The following SLC14A2 variants were observed in gnomAD, a reference collection of about 807,000 sequenced individuals.
SLC14A2 encodes urea transporter 2.
Under a neutral mutation model 104.6 loss-of-function variants are expected in SLC14A2, and 91 were observed. That is an observed-to-expected ratio of 0.87 (90% CI 0.73 to 1.04). The LOEUF is 1.04. SLC14A2 is among the 50% of genes least tolerant of loss of function. The pLI, the probability that SLC14A2 is intolerant of heterozygous loss-of-function variation, is 0.00. For missense variants in SLC14A2, 1,189 were observed against 1,156.0 expected (o/e 1.03, Z -0.41); for synonymous variants, 476 against 466.4 (o/e 1.02, Z -0.27).
chr18:45,579,414 G>A (rs1413717499), intron 2 of SLC14A2, among the ~76,000 whole-genome samples: 1 of 152,180 alleles, frequency 6.6e-6, no homozygotes, highest in African/African-American at 2.4e-5. Context: ...TCATCAATAG[G>A]GTTGGGGATG....
chr18:45,411,513 C>G (rs73433863), intron 1 of SLC14A2, among the ~76,000 whole-genome samples: 3,002 of 152,314 alleles, frequency 0.02, 98 homozygotes, highest in African/African-American at 0.068. Flanking sequence ...CCATATCACA[C>G]AGATTCAGCT....
At chr18:45,677,967 TGCC>T (rs2046254339) in intron 18 of SLC14A2, among the ~76,000 whole-genome samples, 1 of 152,152 alleles carries the variant, frequency 6.6e-6, no homozygotes, top group African/African-American at 2.4e-5. Context: ...TACAGGCACA[TGCC>T]ACCACACCCA....
chr18:45,270,835 T>A (rs965147411), intron 1 of SLC14A2, among the ~76,000 whole-genome samples: 5 of 152,162 alleles, frequency 3.3e-5, no homozygotes, highest in Non-Finnish European at 7.4e-5. Flanking sequence ...ATGGAGTTAC[T>A]GGACTCTAGC....
At chr18:45,627,822 C>T (rs1164365057) in intron 4 of SLC14A2, among the ~76,000 whole-genome samples, 1 of 151,928 alleles carries the variant, frequency 6.6e-6, no homozygotes, top group Admixed American at 6.6e-5. Context: ...CCAGTCTGGC[C>T]AACATGGTGA....
In SLC14A2 at chr18:45,401,137, G is replaced by A. The variant is rs1014584808; in HGVS notation, c.-124-82096G>A. On this transcript the variant is annotated intron_variant, in intron 1 of 20. Transcript: ENST00000586448. ...CTGAGCTCACTCCTCATTTCTGTTA[G>A]GTCTTCATTAAAATGTCACCTTATG... Among the ~76,000 whole-genome samples the A allele has an allele frequency of 7.9e-5, 12 of 151,982 alleles. 1 individual carries two copies. In the South Asian group the frequency reaches 8.3e-4, roughly 11 times the overall value.
chr18:45,196,346 G>A, the SLC14A2 span, among the ~76,000 whole-genome samples: 1 of 152,296 alleles, frequency 6.6e-6, no homozygotes, highest in East Asian at 1.9e-4. Flanking sequence ...TCAATCGCAT[G>A]TATGTACTAG....
chr18:45,543,470 C>T (rs1041342708), intron 2 of SLC14A2, among the ~76,000 whole-genome samples: 4 of 152,106 alleles, frequency 2.6e-5, no homozygotes, highest in African/African-American at 9.7e-5. Context: ...ACAATACAAA[C>T]TGTTCATCCA....
chr18:45,237,846 C>T (rs1450838441), intron 1 of SLC14A2, among the ~76,000 whole-genome samples: 1 of 152,186 alleles, frequency 6.6e-6, no homozygotes, highest in South Asian at 2.1e-4. Flanking sequence ...GTGCCTTGTC[C>T]TGGCTCCCAC....
chr18:45,172,315 A>G, the SLC14A2 span, among the ~76,000 whole-genome samples: 1 of 152,138 alleles, frequency 6.6e-6, no homozygotes, highest in East Asian at 1.9e-4. Context: ...GTGTGATAAA[A>G]TTTATAATAA....
At position 45,323,729 on chromosome 18, in the gene SLC14A2, G is replaced by A. The variant is rs573028336; in HGVS notation, c.-125+110538G>A. On this transcript the variant is annotated intron_variant, in intron 1 of 20. Coordinates refer to the SLC14A2 transcript ENST00000586448. Reference sequence around the variant, plus strand: ...TCCTAGCACTTCCTGTGTGCCACCCGATTGAATTAAGGTTCCTATCTCAGT... The same window carrying A: ...TCCTAGCACTTCCTGTGTGCCACCCAATTGAATTAAGGTTCCTATCTCAGT... Among the ~76,000 whole-genome samples the A allele has an allele frequency of 5.3e-5, 8 of 152,134 alleles. No individual in the cohort carries two copies. In the South Asian group the frequency reaches 1.0e-3, roughly 20 times the overall value.
chr18:45,175,700 T>C, the SLC14A2 span, among the ~76,000 whole-genome samples: 5 of 152,126 alleles, frequency 3.3e-5, no homozygotes, highest in Non-Finnish European at 5.9e-5. Context: ...GTTACAACAT[T>C]GTGGAATATT....
intron 2 of SLC14A2, among the ~76,000 whole-genome samples, chr18:45,550,587 A>G (rs2044042755): frequency 6.6e-6 from 1 of 151,476 alleles, no homozygotes; most frequent in East Asian, 1.9e-4. Flanking sequence ...GAATGGCTCA[A>G]TCACCATTAC....
intron 1 of SLC14A2, among the ~76,000 whole-genome samples, chr18:45,469,958 T>C (rs1415001896): frequency 6.6e-6 from 1 of 152,214 alleles, no homozygotes. Context: ...TATAGCTGTT[T>C]GTAAAAATAC....
At chr18:45,332,233 G>A (rs761474728) in intron 1 of SLC14A2, among the ~76,000 whole-genome samples, 1 of 152,026 alleles carries the variant, frequency 6.6e-6, no homozygotes, top group Non-Finnish European at 1.5e-5. Context: ...TTATACATCT[G>A]TAGATTCAAC....
intron 1 of SLC14A2, among the ~76,000 whole-genome samples, chr18:45,431,273 C>T (rs534597883): frequency 2.0e-5 from 3 of 152,066 alleles, no homozygotes; most frequent in East Asian, 1.9e-4. Flanking sequence ...ATATATTACA[C>T]GTCTAGCAAG....
intron 1 of SLC14A2, among the ~76,000 whole-genome samples, chr18:45,327,446 A>G (rs2085247164): frequency 6.6e-6 from 1 of 152,086 alleles, no homozygotes; most frequent in African/African-American, 2.4e-5. Context: ...TGCAACCATC[A>G]CCACTATCCA....
At chr18:45,535,006 A>G (rs1234404471) in intron 2 of SLC14A2, among the ~76,000 whole-genome samples, 1 of 152,246 alleles carries the variant, frequency 6.6e-6, no homozygotes, top group Non-Finnish European at 1.5e-5. Context: ...CTGGTTAATG[A>G]GACCTAAGGT....
intron 1 of SLC14A2, among the ~76,000 whole-genome samples, chr18:45,290,608 T>G (rs924535830): frequency 6.6e-6 from 1 of 152,206 alleles, no homozygotes; most frequent in African/African-American, 2.4e-5. Flanking sequence ...GAAATGTGGC[T>G]ACTCCCAACT....
intron 2 of SLC14A2, among the ~76,000 whole-genome samples, chr18:45,541,921 G>A (rs771324585): frequency 8.6e-5 from 13 of 151,584 alleles, no homozygotes; most frequent in Non-Finnish European, 1.5e-4. Context: ...CTTGTGTGGT[G>A]AAGGAATTAG....
Sources: gnomAD v4.1 joint callset for allele counts (sites outside exome capture counted in the v4.1 genomes callset) on GRCh38, gnomAD v4.1.1 for gene constraint, MANE v1.5 for transcripts, NCBI Gene and HGNC (gene_info 2026-07-23, HGNC 2026-07-21) for gene names.